NAALAD2: variants seen among roughly 807,000 people sequenced by gnomAD.
NAALAD2 encodes N-acetylated-alpha-linked acidic dipeptidase 2.
A neutral mutation model predicts 95.6 loss-of-function variants in NAALAD2; 89 were observed. The observed-to-expected ratio is 0.93, with a 90% CI of 0.78 to 1.11. The LOEUF (loss-of-function observed/expected upper bound fraction) is 1.11. NAALAD2 is among the 50% of genes least tolerant of loss of function. The pLI, the probability that NAALAD2 is intolerant of heterozygous loss-of-function variation, is 0.00. For missense variants in NAALAD2, 894 were observed against 872.4 expected, an observed-to-expected ratio of 1.02 and a Z score of -0.31; for synonymous variants, 264 against 294.4, an observed-to-expected ratio of 0.90 and a Z score of 1.06.
intron 11 of NAALAD2, among the ~76,000 whole-genome samples, chr11:90,167,160 C>T (rs551917608): frequency 7.9e-4 from 121 of 152,288 alleles, no homozygotes; most frequent in African/African-American, 2.2e-3. Flanking sequence ...AGGCTGGAGC[C>T]GGCTCCCTCA....
rs1352099561 is a variant in NAALAD2, at chr11:90,168,976, G to T, written c.1326G>T (p.Ser442=). ...LQERSIAYIN[S]DSSIEGNYTL... ...AGAGAAGCATTGCTTATATCAACTC[G>T]GATTCATCTATAGAAGGTAAATTTT... Residue 442 remains serine (S), a synonymous_variant, in exon 12 of 19, where the codon TCG becomes TCT. Transcript: ENST00000534061. 1 of 1,601,780 alleles carries T rather than the reference G, an allele frequency of 6.2e-7. No homozygotes were observed. The highest frequency in any genetic ancestry group is 1.1e-5 in the South Asian group (1 of 87,880).
chr11:90,165,027 G>C (rs1952397216), intron 11 of NAALAD2, among the ~76,000 whole-genome samples: 1 of 151,988 alleles, frequency 6.6e-6, no homozygotes, highest in Non-Finnish European at 1.5e-5. Flanking sequence ...GTGTCCATGG[G>C]TTCTCATCAT....
intron 9 of NAALAD2, 51 bp downstream of exon 9, chr11:90,163,085 T>C: frequency 7.3e-7 from 1 of 1,365,926 alleles, no homozygotes; most frequent in Non-Finnish European, 1.0e-6. Flanking sequence ...AATTAAAGGG[T>C]AAGTAAAGAT....
At chr11:90,166,753 T>A (rs1486065072) in intron 11 of NAALAD2, among the ~76,000 whole-genome samples, 1 of 150,386 alleles carries the variant, frequency 6.6e-6, no homozygotes, top group East Asian at 2.0e-4. Context: ...GAGAATGGCG[T>A]GAACCCGGGA....
At chr11:90,186,342 T>C (rs1857141408) in intron 18 of NAALAD2, among the ~76,000 whole-genome samples, 1 of 152,212 alleles carries the variant, frequency 6.6e-6, no homozygotes, top group African/African-American at 2.4e-5. Flanking sequence ...TCCATGTCCC[T>C]ACAAAAGACA....
intron 6 of NAALAD2, among the ~76,000 whole-genome samples, chr11:90,155,482 AT>A (rs1198880035): frequency 1.6e-4 from 18 of 112,494 alleles, no homozygotes; most frequent in African/African-American, 6.5e-4. Flanking sequence ...ACATGTATAT[AT>A]TATATATAAT....
chr11:90,135,007 A>T, intron 1 of NAALAD2, 167 bp downstream of exon 1: 1 of 658,374 alleles, frequency 1.5e-6, no homozygotes, highest in Non-Finnish European at 2.6e-6. Flanking sequence ...ACCAGATGGA[A>T]TGTATTTTGG....
intron 2 of NAALAD2, among the ~76,000 whole-genome samples, chr11:90,138,905 G>A (rs1320309754): frequency 1.3e-5 from 2 of 151,736 alleles, no homozygotes; most frequent in African/African-American, 2.4e-5. Context: ...CTATAACAAT[G>A]ATGGCATCTT....
At chr11:90,158,027 T>A in intron 6 of NAALAD2, 118 bp from the exon 7 acceptor site, 1 of 791,896 alleles carries the variant, frequency 1.3e-6, no homozygotes, top group Non-Finnish European at 2.1e-6. Flanking sequence ...CCAGGAACTT[T>A]TAATTTTGGC....
chr11:90,180,538 TAATAGA>T (rs1008507330), intron 16 of NAALAD2, among the ~76,000 whole-genome samples: 11 of 151,916 alleles, frequency 7.2e-5, no homozygotes, highest in Admixed American at 1.3e-4. Context: ...AGAAATTAGG[TAATAGA>T]AATAGAAATT....
chr11:90,168,891 G>A (rs1237748552), intron 11 of NAALAD2, 38 bp from the exon 12 acceptor site: 1 of 1,481,512 alleles, frequency 6.7e-7, no homozygotes, highest in Non-Finnish European at 9.3e-7. Context: ...TCACAACTAA[G>A]TAATGTGAAT....
At chr11:90,150,190 G>A (rs1951849160) in intron 4 of NAALAD2, among the ~76,000 whole-genome samples, 1 of 152,146 alleles carries the variant, frequency 6.6e-6, no homozygotes, top group Non-Finnish European at 1.5e-5. Context: ...AGGTGGAGGA[G>A]GTTGCAGTGA....
At position 90,146,282 on chromosome 11, in the gene NAALAD2, TA is replaced by T. The variant is rs760910686; in HGVS notation, c.195-1033del. Among the ~76,000 whole-genome samples the T allele has an allele frequency of 6.4e-3, 696 of 108,250 alleles. 1 individual carries two copies. The highest frequency in any genetic ancestry group is 9.7e-3 in the African/African-American group (292 of 30,088). 71.0% of individuals were successfully genotyped at this position (108,250 alleles called of 152,430 possible). A position where few individuals can be genotyped will look rare whatever the true frequency, so the allele number is the denominator to read the frequency against. ...ATTTTGTGGCTGTCATCCGGTTAACTAAAAAAAAAAAAAAATTAAAAAAGGG... is the reference window on the plus strand; with the variant it reads ...ATTTTGTGGCTGTCATCCGGTTAACTAAAAAAAAAAAAAATTAAAAAAGGG... On this transcript the variant is annotated intron_variant, in intron 2 of 18. Coordinates refer to ENST00000534061, the MANE Select transcript of NAALAD2 (RefSeq NM_005467.4).
chr11:90,177,655 G>A (rs1591019178), intron 15 of NAALAD2, among the ~76,000 whole-genome samples, 198 bp from the exon 16 acceptor site: 1 of 76,210 alleles, frequency 1.3e-5, no homozygotes, highest in African/African-American at 5.9e-5. Context: ...GTTTCTCCAT[G>A]TTGCCCAGGC....
chr11:90,191,471 C>G, intron 18 of NAALAD2, 87 bp from the exon 19 acceptor site: 1 of 910,590 alleles, frequency 1.1e-6, no homozygotes, highest in East Asian at 2.8e-5. Flanking sequence ...GTGAGTATCA[C>G]AAGGAAACAT....
Position 90,134,813 on chromosome 11 carries a change from G to C in NAALAD2, c.55G>C (p.Ala19Pro). 6.2e-7 allele frequency: 1 copy of C among 1,614,140 alleles called. No individual in the cohort carries two copies. ...TTGGATGTGCTTGGCTGCTGCGCTGGCATCTTTCCTGATGGGATTTATGGT... is the reference window on the plus strand; with the variant it reads ...TTGGATGTGCTTGGCTGCTGCGCTGCCATCTTTCCTGATGGGATTTATGGT... ...YLWMCLAAAL[A>P]SFLMGFMVGW... Residue 19 changes from alanine (A) to proline (P), a missense_variant, in exon 1 of 19, where the codon GCA (alanine) becomes CCA (proline). Coordinates refer to ENST00000534061, the MANE Select transcript of NAALAD2 (RefSeq NM_005467.4).
rs769151224 is a variant in NAALAD2 at position 90,175,966 on chromosome 11, A to G, written c.1503-6A>G. The G allele has an allele frequency of 1.9e-6, 3 of 1,575,404 alleles. No individual in the cohort carries two copies. In the South Asian group the frequency reaches 3.3e-5, roughly 17 times the overall value. Reference sequence around the variant, plus strand: ...TGTGTGTGTGTGGATTGCATTCTACATCTAGAATCAATAAGCTGGGATCTG... The same window carrying G: ...TGTGTGTGTGTGGATTGCATTCTACGTCTAGAATCAATAAGCTGGGATCTG... On this transcript the variant is annotated splice_region_variant and splice_polypyrimidine_tract_variant and intron_variant, in intron 14 of 18. Coordinates refer to ENST00000534061, the MANE Select transcript of NAALAD2 (RefSeq NM_005467.4).
chr11:90,150,717 C>CTT (rs777391234), intron 5 of NAALAD2, 110 bp downstream of exon 5: 45,216 of 940,370 alleles, frequency 0.048, 721 homozygotes, highest in African/African-American at 0.096. Flanking sequence ...CATTTCTTTT[C>CTT]TTTTTTTCTT....
chr11:90,173,880 A>G lies in NAALAD2; in HGVS notation c.1467A>G (p.Glu489=), dbSNP rs1481961250. Residue 489 remains glutamate (E), a synonymous_variant, in exon 14 of 19, where the codon GAA becomes GAG. Coordinates refer to ENST00000534061, the MANE Select transcript of NAALAD2 (RefSeq NM_005467.4). ...AATCACTGTATGAAAGCTGGTTGGA[A>G]AAAGACCCTTCACCTGAAAATAAAA... is the stretch of plus-strand genomic sequence containing the variant. ...ESKSLYESWL[E]KDPSPENKNL... 2 of 1,612,860 alleles carry G rather than the reference A, an allele frequency of 1.2e-6. No homozygotes were observed. The highest frequency in any genetic ancestry group is 1.7e-5 in the Admixed American group (1 of 59,882).
Sources: gnomAD v4.1 joint callset for allele counts (sites outside exome capture counted in the v4.1 genomes callset) on GRCh38, gnomAD v4.1.1 for gene constraint, MANE v1.5 for transcripts, NCBI Gene and HGNC (gene_info 2026-07-23, HGNC 2026-07-21) for gene names.